Variants in RASAL2 observed in about 807,000 individuals in gnomAD.
RASAL2 encodes the protein ras GTPase-activating protein nGAP.
A neutral mutation model predicts 128.9 loss-of-function variants in RASAL2; 58 were observed. That is an observed-to-expected ratio of 0.45 (90% CI 0.36 to 0.56). The LOEUF (loss-of-function observed/expected upper bound fraction) is 0.56, where lower values mean the gene tolerates loss of function less well. RASAL2 is among the 20% of genes least tolerant of loss of function. The probability of loss-of-function intolerance (pLI) is 0.00; values close to 1 mark genes in which losing one functional copy is unlikely to be tolerated. For synonymous variants in RASAL2, 561 were observed against 580.8 expected (o/e 0.97, Z 0.49); for missense variants, 1,360 against 1,601.6 (o/e 0.85, Z 2.57).
At chr1:178,255,585 G>A (rs551443211) in intron 1 of RASAL2, among the ~76,000 whole-genome samples, 1 of 152,062 alleles carries the variant, frequency 6.6e-6, no homozygotes, top group Admixed American at 6.5e-5. Context: ...AGAGCTGTAT[G>A]GGAGTAAAAT....
At chr1:178,121,132 C>T (rs1659703436) in intron 1 of RASAL2, 1 of 152,140 alleles carries the variant, frequency 6.6e-6, no homozygotes, top group Non-Finnish European at 1.5e-5. Flanking sequence ...TGAAATCTAC[C>T]CCTAACTACT....
intron 1 of RASAL2, among the ~76,000 whole-genome samples, chr1:178,113,552 GTGTGTGTGTGT>G (rs1659417848): frequency 1.4e-5 from 2 of 145,708 alleles, no homozygotes; most frequent in Admixed American, 6.9e-5. Context: ...GTGTGTGTGT[GTGTGTGTGTGT>G]GTAGAGGCAG....
At chr1:178,191,885 A>G (rs1662505746) in intron 1 of RASAL2, among the ~76,000 whole-genome samples, 1 of 152,220 alleles carries the variant, frequency 6.6e-6, no homozygotes, top group African/African-American at 2.4e-5. Flanking sequence ...TTTAATAACA[A>G]CACACACTGG....
chr1:178,248,246 G>A (rs555007602), intron 1 of RASAL2, among the ~76,000 whole-genome samples: 1 of 152,118 alleles, frequency 6.6e-6, no homozygotes, highest in Admixed American at 6.5e-5. Context: ...TATGAATCTG[G>A]TTGCTCCTGT....
intron 6 of RASAL2, 105 bp downstream of exon 6, chr1:178,439,680 C>G (rs1441763191): frequency 2.9e-6 from 3 of 1,030,580 alleles, no homozygotes; most frequent in African/African-American, 3.3e-5. Context: ...ATTTAATTAA[C>G]TGGTTTTCAG....
intron 9 of RASAL2, 71 bp downstream of exon 9, chr1:178,445,733 C>G (rs1316712275): frequency 3.5e-6 from 5 of 1,438,976 alleles, no homozygotes; most frequent in Non-Finnish European, 3.7e-6. Context: ...CCCCATGAGA[C>G]GAATTGAGCT....
In RASAL2 at chr1:178,390,122, T is replaced by G. The variant is rs1672808931; in HGVS notation, c.480T>G (p.Pro160=). The G allele has an allele frequency of 6.2e-7, 1 of 1,612,110 alleles. No individual in the cohort carries two copies. The highest frequency in any genetic ancestry group is 1.1e-5 in the South Asian group (1 of 90,674). ...TKLEVPAERS[P]RRRSISGTST... ...CAGAGGTACCAGCAGAAAGGTCCCC[T>G]CGTAGACGGAGTATCTCAGGGACCA... The change falls in exon 4 of 18, where the codon CCT becomes CCG. Residue 160 remains proline (P), a synonymous_variant. Transcript: ENST00000367649.
intron 1 of RASAL2, among the ~76,000 whole-genome samples, chr1:178,265,697 G>A (rs1665915213): frequency 6.6e-6 from 1 of 152,120 alleles, no homozygotes; most frequent in Non-Finnish European, 1.5e-5. Context: ...TTTGCATAAA[G>A]GGGCATATCT....
chr1:178,402,402 T>G (rs1010109878), intron 4 of RASAL2, among the ~76,000 whole-genome samples: 1 of 140,236 alleles, frequency 7.1e-6, no homozygotes, highest in Admixed American at 7.1e-5. Flanking sequence ...AGACTTCATC[T>G]AAAAAAAAAA....
intron 3 of RASAL2, among the ~76,000 whole-genome samples, chr1:178,352,292 T>G (rs1287694189): frequency 6.6e-6 from 1 of 152,248 alleles, no homozygotes; most frequent in Non-Finnish European, 1.5e-5. Context: ...AGATGTTTTG[T>G]GGCAAAGTTA....
intron 3 of RASAL2, among the ~76,000 whole-genome samples, chr1:178,305,288 G>GA (rs1261185919): frequency 1.3e-5 from 2 of 152,068 alleles, no homozygotes; most frequent in Admixed American, 1.3e-4. Context: ...CACAGAAATA[G>GA]AAAAAACAAT....
chr1:178,317,532 T>C (rs1347294141), intron 3 of RASAL2, among the ~76,000 whole-genome samples: 3 of 150,748 alleles, frequency 2.0e-5, no homozygotes, highest in African/African-American at 7.3e-5. Flanking sequence ...AGAGTGTATG[T>C]GTCGAGGAAT....
chr1:178,219,014 C>G (rs779484428), intron 1 of RASAL2, among the ~76,000 whole-genome samples: 1 of 152,222 alleles, frequency 6.6e-6, no homozygotes, highest in Non-Finnish European at 1.5e-5. Flanking sequence ...CATCAGTGTT[C>G]TTAGTGTTCA....
chr1:178,440,947 A>G (rs1420062576), intron 6 of RASAL2, among the ~76,000 whole-genome samples: 3 of 133,514 alleles, frequency 2.2e-5, no homozygotes, highest in Non-Finnish European at 5.0e-5. Flanking sequence ...TTTATTACCT[A>G]TTTTTTACTA....
intron 9 of RASAL2, 48 bp from the exon 10 acceptor site, chr1:178,451,523 A>G (rs746729776): frequency 6.4e-7 from 1 of 1,573,122 alleles, no homozygotes; most frequent in South Asian, 1.2e-5. Context: ...TATTCTATTC[A>G]GGAAGACACT....
intron 3 of RASAL2, among the ~76,000 whole-genome samples, chr1:178,343,198 G>A (rs754372785): frequency 1.3e-5 from 2 of 152,152 alleles, no homozygotes; most frequent in Non-Finnish European, 2.9e-5. Flanking sequence ...CTGGGTCTGT[G>A]TAAGTGTAGT....
At chr1:178,180,877 TG>T (rs1662084492) in intron 1 of RASAL2, among the ~76,000 whole-genome samples, 1 of 151,990 alleles carries the variant, frequency 6.6e-6, no homozygotes, top group African/African-American at 2.4e-5. Flanking sequence ...TAATTGAAGC[TG>T]GGGAGAAGAA....
intron 4 of RASAL2, among the ~76,000 whole-genome samples, chr1:178,402,779 C>A (rs1673729281): frequency 6.6e-6 from 1 of 152,104 alleles, no homozygotes; most frequent in Admixed American, 6.6e-5. Flanking sequence ...AAGCCCCCCT[C>A]CATCTCTGAT....
At chr1:178,234,054 A>G (rs1289891657) in intron 1 of RASAL2, among the ~76,000 whole-genome samples, 1 of 152,230 alleles carries the variant, frequency 6.6e-6, no homozygotes, top group Non-Finnish European at 1.5e-5. Flanking sequence ...AAACCTTTTA[A>G]TGACTTATAG....
Sources: gnomAD v4.1 joint callset for allele counts (sites outside exome capture counted in the v4.1 genomes callset) on GRCh38, gnomAD v4.1.1 for gene constraint, MANE v1.5 for transcripts, NCBI Gene and HGNC (gene_info 2026-07-23, HGNC 2026-07-21) for gene names.